The following STAG2 variants were observed in gnomAD, a reference collection of about 807,000 sequenced individuals.
STAG2 encodes cohesin subunit SA-2.
A neutral mutation model predicts 108.1 loss-of-function variants in STAG2; 14 were observed. That is an observed-to-expected ratio of 0.13 (90% CI 0.09 to 0.20). STAG2 has a LOEUF of 0.20. Among genes scored for constraint, STAG2 ranks in the 10% least tolerant of loss-of-function variants. The pLI, the probability that STAG2 is intolerant of heterozygous loss-of-function variation, is 1.00. For synonymous variants in STAG2, 307 were observed against 302.7 expected (o/e 1.01, Z -0.15); for missense variants, 440 against 940.9 (o/e 0.47, Z 6.96).
At chrX:124,014,234 C>A (rs2056621925) in intron 1 of STAG2, among the ~76,000 whole-genome samples, 1 of 112,092 alleles carries the variant, frequency 8.9e-6, no homozygotes, top group Non-Finnish European at 1.9e-5. Context: ...CTTGCTCCTT[C>A]CCCAATTCCT....
chrX:124,055,550 G>GA (rs2058171724), intron 13 of STAG2, among the ~76,000 whole-genome samples: 1 of 112,320 alleles, frequency 8.9e-6, no homozygotes, highest in Admixed American at 9.4e-5. Context: ...TTAAAGATAA[G>GA]AAAAATAAAA....
intron 5 of STAG2, among the ~76,000 whole-genome samples, chrX:124,036,141 A>G (rs191675209): frequency 7.1e-5 from 8 of 112,229 alleles, no homozygotes; most frequent in East Asian, 2.8e-4. Context: ...CAGTCAGTCT[A>G]TCTGAACCAG....
chrX:124,099,394 C>T (rs1458728908), intron 34 of STAG2, among the ~76,000 whole-genome samples: 2 of 110,894 alleles, frequency 1.8e-5, no homozygotes, highest in Non-Finnish European at 1.9e-5. Context: ...TTGGTGGAAA[C>T]GTTCTAACCA....
intron 1 of STAG2, among the ~76,000 whole-genome samples, chrX:123,986,176 C>A (rs1028513602): frequency 1.4e-4 from 15 of 105,324 alleles, no homozygotes; most frequent in African/African-American, 5.1e-4. Flanking sequence ...ATATGTGATA[C>A]ATATATGATA....
At chrX:124,074,268 G>C (rs2058746295) in intron 25 of STAG2, among the ~76,000 whole-genome samples, 1 of 112,067 alleles carries the variant, frequency 8.9e-6, no homozygotes, top group African/African-American at 3.2e-5. Context: ...TTGACATGTG[G>C]CTACAATTCA....
intron 1 of STAG2, among the ~76,000 whole-genome samples, chrX:124,008,210 T>C (rs751660418): frequency 2.8e-5 from 3 of 108,737 alleles, no homozygotes; most frequent in East Asian, 2.8e-4. Flanking sequence ...TTATTAATTT[T>C]CTTTCTTTTT....
intron 1 of STAG2, among the ~76,000 whole-genome samples, chrX:124,009,441 AGG>A (rs749868564): frequency 0.097 from 8,361 of 86,589 alleles, 481 homozygotes; most frequent in East Asian, 0.21. Flanking sequence ...GTAGGTAGGT[AGG>A]TAGATAGATA....
chrX:124,069,419 A>G (rs1227295307), intron 24 of STAG2, among the ~76,000 whole-genome samples: 1 of 112,142 alleles, frequency 8.9e-6, no homozygotes, highest in Non-Finnish European at 1.9e-5. Context: ...TAGAATCCCA[A>G]TAGTCAACCT....
At chrX:123,998,633 T>A (rs112926409) in intron 1 of STAG2, among the ~76,000 whole-genome samples, 1,346 of 83,738 alleles carry the variant, frequency 0.016, 8 homozygotes, top group Admixed American at 0.029. Context: ...TATCTATCTA[T>A]CTAACTAACT....
intron 11 of STAG2, 119 bp from the exon 12 acceptor site, chrX:124,051,002 T>TA: frequency 2.3e-6 from 1 of 436,716 alleles, no homozygotes; most frequent in Non-Finnish European, 3.8e-6. Context: ...GAAGGAATGC[T>TA]ATGGTATGAA....
At chrX:124,050,357 GTCTGCACC>G (rs756411412) in intron 11 of STAG2, 48 bp downstream of exon 11, 1 of 1,140,932 alleles carries the variant, frequency 8.8e-7, no homozygotes, top group East Asian at 3.2e-5. Flanking sequence ...CGGCGTGGCT[GTCTGCACC>G]TCTCATTCAT....
chrX:124,057,872 C>T lies in STAG2; in HGVS notation c.1311C>T (p.Phe437=), dbSNP rs775183471. 2.6e-6 allele frequency: 3 copies of T among 1,144,871 alleles called. No homozygotes were observed. Among genetic ancestry groups the T allele is most frequent in the Non-Finnish European group, 3.5e-6 (3 of 860,728 alleles). The allele number at this position is 1,144,871 out of a possible 1,213,427, so 94.4% of individuals were successfully genotyped here. A position where few individuals can be genotyped will look rare whatever the true frequency, so the allele number is the denominator to read the frequency against. ...TATTTTACTTTTTTCACAGGCTCTT[C>T]AGTCGTAGAGATCCAGAGGAGGATG... ...AAGEFLYKKL[F]SRRDPEEDGM... Residue 437 remains phenylalanine (F), a synonymous_variant, in exon 15 of 35, where the codon TTC becomes TTT. Coordinates refer to ENST00000371145, the MANE Select transcript of STAG2 (RefSeq NM_001042750.2).
intron 28 of STAG2, among the ~76,000 whole-genome samples, chrX:124,082,427 C>A (rs892088941): frequency 8.9e-6 from 1 of 111,933 alleles, no homozygotes; most frequent in African/African-American, 3.2e-5. Context: ...GGTTAAAGAA[C>A]CTTGCTTTTA....
intron 5 of STAG2, among the ~76,000 whole-genome samples, chrX:124,032,649 A>C (rs1357448856): frequency 9.0e-6 from 1 of 111,256 alleles, no homozygotes; most frequent in Non-Finnish European, 1.9e-5. Flanking sequence ...ACATGTGCTC[A>C]ATATTTAGCT....
intron 1 of STAG2, among the ~76,000 whole-genome samples, chrX:124,009,443 GTAGATAGATAGA>G (rs1160208021): frequency 1.6e-5 from 1 of 63,607 alleles, no homozygotes; most frequent in Admixed American, 2.0e-4. Flanking sequence ...AGGTAGGTAG[GTAGATAGATAGA>G]TAGATAGATA....
At chrX:124,013,505 A>G (rs771579425) in intron 1 of STAG2, among the ~76,000 whole-genome samples, 2 of 112,059 alleles carry the variant, frequency 1.8e-5, no homozygotes, top group Admixed American at 9.5e-5. Flanking sequence ...CAAATATTCT[A>G]TCTGTTTTGA....
chrX:123,975,364 G>A (rs778299793), intron 1 of STAG2, among the ~76,000 whole-genome samples: 1 of 112,294 alleles, frequency 8.9e-6, no homozygotes, highest in African/African-American at 3.2e-5. Context: ...GAGAATTGAG[G>A]AAGTGGTGGT....
chrX:124,027,391 T>A (rs1033181040), intron 4 of STAG2, among the ~76,000 whole-genome samples: 1 of 112,564 alleles, frequency 8.9e-6, no homozygotes, highest in African/African-American at 3.2e-5. Flanking sequence ...AATAGAAATA[T>A]TAACTTACGG....
At chrX:124,014,417 G>A (rs1040544870) in intron 1 of STAG2, among the ~76,000 whole-genome samples, 1 of 110,395 alleles carries the variant, frequency 9.1e-6, no homozygotes, top group African/African-American at 3.3e-5. Flanking sequence ...CTGGAGTGCA[G>A]TGGCACGATC....
Sources: allele counts gnomAD v4.1 joint callset (sites outside exome capture counted in the v4.1 genomes callset), GRCh38; gene constraint gnomAD v4.1.1; transcripts MANE v1.5; gene names NCBI Gene and HGNC (gene_info 2026-07-23, HGNC 2026-07-21).